The following KCTD8 variants were observed in gnomAD, a reference collection of about 807,000 sequenced individuals.
KCTD8 encodes potassium channel tetramerization domain containing 8, also known as BTB/POZ domain-containing protein KCTD8.
A neutral mutation model predicts 31.5 loss-of-function variants in KCTD8; 27 were observed. The ratio of observed to expected loss-of-function variants is 0.86; its 90% CI spans 0.63 to 1.18. KCTD8 has a LOEUF of 1.18. KCTD8 is among the 50% of genes most tolerant of loss of function. The pLI is 0.00. For missense variants in KCTD8, 658 were observed against 647.7 expected (o/e 1.02, Z -0.17); for synonymous variants, 290 against 280.0 (o/e 1.04, Z -0.36).
At chr4:44,267,967 A>G (rs1716443582) in intron 1 of KCTD8, among the ~76,000 whole-genome samples, 1 of 152,230 alleles carries the variant, frequency 6.6e-6, no homozygotes, top group Non-Finnish European at 1.5e-5. Context: ...CAGAGGTACA[A>G]GGAGGAACTG....
At chr4:44,184,845 G>A (rs1337741359) in intron 1 of KCTD8, among the ~76,000 whole-genome samples, 1 of 152,084 alleles carries the variant, frequency 6.6e-6, no homozygotes, top group African/African-American at 2.4e-5. Flanking sequence ...TAGTCCCGAG[G>A]TCACACTTCT....
intron 1 of KCTD8, among the ~76,000 whole-genome samples, chr4:44,296,079 A>T (rs1312328707): frequency 6.6e-6 from 1 of 152,162 alleles, no homozygotes; most frequent in South Asian, 2.1e-4. Flanking sequence ...GTAATTTTGC[A>T]GCAGAAAAGG....
At chr4:44,267,675 G>T (rs1716429441) in intron 1 of KCTD8, among the ~76,000 whole-genome samples, 1 of 151,936 alleles carries the variant, frequency 6.6e-6, no homozygotes, top group Admixed American at 6.6e-5. Context: ...AAAGAGAGAA[G>T]AATCAAATAG....
intron 1 of KCTD8, among the ~76,000 whole-genome samples, chr4:44,379,416 G>A (rs940640868): frequency 6.6e-6 from 1 of 152,074 alleles, no homozygotes; most frequent in Non-Finnish European, 1.5e-5. Flanking sequence ...AGACTACTGA[G>A]ACCTATTATT....
chr4:44,335,356 G>A (rs1032142364), intron 1 of KCTD8, among the ~76,000 whole-genome samples: 1 of 151,124 alleles, frequency 6.6e-6, no homozygotes, highest in Non-Finnish European at 1.5e-5. Context: ...TATATTAAAG[G>A]AAGAAAAATA....
chr4:44,177,038 A>C (rs1713238225), intron 1 of KCTD8, among the ~76,000 whole-genome samples: 1 of 152,210 alleles, frequency 6.6e-6, no homozygotes. Flanking sequence ...AAATATTTAA[A>C]AAAATTGTTG....
At chr4:44,301,463 G>T (rs952944659) in intron 1 of KCTD8, among the ~76,000 whole-genome samples, 1 of 152,134 alleles carries the variant, frequency 6.6e-6, no homozygotes, top group Non-Finnish European at 1.5e-5. Flanking sequence ...TTCTCTGATG[G>T]CCAGTGATGA....
intron 1 of KCTD8, among the ~76,000 whole-genome samples, chr4:44,200,468 T>C (rs1264183095): frequency 3.3e-5 from 5 of 152,106 alleles, no homozygotes; most frequent in Non-Finnish European, 5.9e-5. Context: ...CACAATCAAG[T>C]AGGCTTTATC....
At chr4:44,189,106 TG>T (rs992072495) in intron 1 of KCTD8, among the ~76,000 whole-genome samples, 20 of 152,194 alleles carry the variant, frequency 1.3e-4, no homozygotes, top group African/African-American at 4.8e-4. Flanking sequence ...GAATCTTAAC[TG>T]TTCTATTAAA....
intron 1 of KCTD8, among the ~76,000 whole-genome samples, chr4:44,383,513 T>C (rs1720129559): frequency 6.6e-6 from 1 of 151,856 alleles, no homozygotes. Context: ...AAAAATCACA[T>C]ATTTACAGCC....
At chr4:44,176,311 C>G (rs1287046759) in intron 1 of KCTD8, among the ~76,000 whole-genome samples, 2 of 152,122 alleles carry the variant, frequency 1.3e-5, no homozygotes, top group African/African-American at 4.8e-5. Context: ...TTTCGGGGGT[C>G]TAACCTTGGA....
At chr4:44,232,721 T>C (rs1445542949) in intron 1 of KCTD8, among the ~76,000 whole-genome samples, 2 of 152,174 alleles carry the variant, frequency 1.3e-5, no homozygotes, top group African/African-American at 2.4e-5. Context: ...AACAGAATAA[T>C]AGTTTCCTTT....
In KCTD8 at chr4:44,312,127, T is replaced by C. The variant is rs983651008; in HGVS notation, c.961+135436A>G. ...AGGTATATGTCTTTAGATTTCTAAGTAAAAAATATTGGAAAATGTTCCTCA... is the reference window on the plus strand; with the variant it reads ...AGGTATATGTCTTTAGATTTCTAAGCAAAAAATATTGGAAAATGTTCCTCA... On this transcript the variant is annotated intron_variant, in intron 1 of 1. Coordinates refer to ENST00000360029, the MANE Select transcript of KCTD8 (RefSeq NM_198353.3). 2.6e-5 allele frequency among the ~76,000 whole-genome samples: 4 copies of C among 152,074 alleles called. 1 individual carries two copies. The highest frequency in any genetic ancestry group is 9.7e-5 in the African/African-American group (4 of 41,426).
intron 1 of KCTD8, among the ~76,000 whole-genome samples, chr4:44,373,766 TC>T (rs1231070414): frequency 6.6e-6 from 1 of 152,120 alleles, no homozygotes; most frequent in African/African-American, 2.4e-5. Context: ...TCTCAGACTC[TC>T]CTTCTCTTAC....
chr4:44,369,995 T>A (rs905983321), intron 1 of KCTD8, among the ~76,000 whole-genome samples: 10 of 152,304 alleles, frequency 6.6e-5, no homozygotes, highest in Non-Finnish European at 5.9e-5. Context: ...AATACCTACA[T>A]ATTTCAAATG....
At chr4:44,424,749 T>C (rs1466226906) in intron 1 of KCTD8, among the ~76,000 whole-genome samples, 1 of 151,998 alleles carries the variant, frequency 6.6e-6, no homozygotes. Context: ...GGACACGATA[T>C]ATAGTTCTGC....
intron 1 of KCTD8, among the ~76,000 whole-genome samples, chr4:44,385,509 AAG>A (rs1227938765): frequency 6.6e-6 from 1 of 151,708 alleles, no homozygotes; most frequent in Non-Finnish European, 1.5e-5. Flanking sequence ...ATATAAAAGA[AAG>A]AGTTTGGACC....
intron 1 of KCTD8, among the ~76,000 whole-genome samples, chr4:44,436,882 C>T (rs948610860): frequency 6.6e-6 from 1 of 152,086 alleles, no homozygotes; most frequent in South Asian, 2.1e-4. Flanking sequence ...AAGGCCACTG[C>T]TCTGCTGACA....
chr4:44,180,574 A>T (rs964145813), intron 1 of KCTD8, among the ~76,000 whole-genome samples: 1 of 146,306 alleles, frequency 6.8e-6, no homozygotes, highest in East Asian at 2.1e-4. Context: ...AAGAACAGTC[A>T]GTATACATAC....
Sources: gnomAD v4.1 joint callset for allele counts (sites outside exome capture counted in the v4.1 genomes callset) on GRCh38, gnomAD v4.1.1 for gene constraint, MANE v1.5 for transcripts, NCBI Gene and HGNC (gene_info 2026-07-23, HGNC 2026-07-21) for gene names.